The following ROBO1 variants were observed in gnomAD, a reference collection of about 807,000 sequenced individuals.
ROBO1 encodes the protein roundabout guidance receptor 1.
In ROBO1, 149 loss-of-function variants were observed where a neutral mutation model predicts 195.9. The ratio of observed to expected loss-of-function variants is 0.76; its 90% CI spans 0.67 to 0.87. The LOEUF (loss-of-function observed/expected upper bound fraction) is 0.87. Among genes scored for constraint, ROBO1 ranks in the 40% least tolerant of loss-of-function variants. ROBO1 has a pLI of 0.00. For missense variants in ROBO1, 1,933 were observed against 2,068.3 expected (o/e 0.93, Z 1.27); for synonymous variants, 816 against 733.2 (o/e 1.11, Z -1.82).
intron 2 of ROBO1, among the ~76,000 whole-genome samples, chr3:79,129,317 A>C (rs1226235201): frequency 1.3e-5 from 2 of 152,096 alleles, no homozygotes; most frequent in Non-Finnish European, 2.9e-5. Flanking sequence ...ATATTTTGCG[A>C]TATGGCTTTA....
chr3:79,065,802 A>G (rs893576992), intron 3 of ROBO1, among the ~76,000 whole-genome samples: 1 of 152,112 alleles, frequency 6.6e-6, no homozygotes, highest in East Asian at 1.9e-4. Flanking sequence ...AGGATCTAAC[A>G]TATATCCTGT....
intron 1 of ROBO1, among the ~76,000 whole-genome samples, chr3:79,767,549 G>A (rs989114822): frequency 2.0e-5 from 3 of 152,196 alleles, no homozygotes; most frequent in African/African-American, 7.2e-5. Context: ...CGATCGCAAG[G>A]CTGCAATTTC....
chr3:79,247,672 A>C (rs2108899265), intron 2 of ROBO1, among the ~76,000 whole-genome samples: 2 of 152,202 alleles, frequency 1.3e-5, no homozygotes, highest in Middle Eastern at 3.4e-3. Context: ...GCTTCAGTCC[A>C]CAAAAAGAAA....
chr3:79,184,705 CT>C (rs1377647510), intron 2 of ROBO1, among the ~76,000 whole-genome samples: 1 of 152,144 alleles, frequency 6.6e-6, no homozygotes, highest in African/African-American at 2.4e-5. Context: ...AGGAATCTCT[CT>C]GGTCTTGTGA....
intron 4 of ROBO1, among the ~76,000 whole-genome samples, chr3:78,906,001 A>C (rs547298021): frequency 2.6e-5 from 4 of 152,332 alleles, no homozygotes; most frequent in African/African-American, 9.6e-5. Context: ...AGAGCATACA[A>C]AACAACATAA....
At chr3:78,768,553 G>A (rs1198007462) in intron 4 of ROBO1, among the ~76,000 whole-genome samples, 3 of 151,576 alleles carry the variant, frequency 2.0e-5, no homozygotes, top group African/African-American at 2.4e-5. Context: ...ATTTCTATAT[G>A]TACTTGCCTG....
intron 8 of ROBO1, among the ~76,000 whole-genome samples, chr3:78,709,048 G>A (rs930649176): frequency 1.3e-5 from 2 of 152,170 alleles, no homozygotes; most frequent in African/African-American, 4.8e-5. Flanking sequence ...TATACACATG[G>A]AGAGGAAACA....
At chr3:78,668,414 A>G (rs1040768317) in intron 12 of ROBO1, 70 bp downstream of exon 12, 23 of 1,580,402 alleles carry the variant, frequency 1.5e-5, no homozygotes, top group Non-Finnish European at 2.0e-5. Context: ...CATTTACTTC[A>G]TCAATATCCC....
intron 2 of ROBO1, among the ~76,000 whole-genome samples, chr3:79,149,005 A>G (rs2080711262): frequency 6.6e-6 from 1 of 151,896 alleles, no homozygotes; most frequent in Admixed American, 6.6e-5. Context: ...GGGACTTAAC[A>G]CTTGTTGGAA....
intron 4 of ROBO1, among the ~76,000 whole-genome samples, chr3:78,898,554 AT>A (rs1435520138): frequency 2.0e-5 from 3 of 150,680 alleles, no homozygotes; most frequent in Non-Finnish European, 3.0e-5. Flanking sequence ...TGCCCGGCTA[AT>A]TTTTTTGTAT....
intron 4 of ROBO1, among the ~76,000 whole-genome samples, chr3:78,857,418 C>A (rs1392096612): frequency 3.3e-5 from 5 of 152,136 alleles, no homozygotes; most frequent in Non-Finnish European, 7.4e-5. Flanking sequence ...GAGTTAGCAT[C>A]CATTGAGTCC....
At chr3:79,267,346 C>T (rs888512252) in intron 2 of ROBO1, among the ~76,000 whole-genome samples, 2 of 151,434 alleles carry the variant, frequency 1.3e-5, no homozygotes, top group African/African-American at 4.8e-5. Flanking sequence ...CAGAGTCAAA[C>T]CCATTTTAGA....
At chr3:79,712,622 A>T (rs1702319588) in intron 1 of ROBO1, among the ~76,000 whole-genome samples, 1 of 152,148 alleles carries the variant, frequency 6.6e-6, no homozygotes, top group Non-Finnish European at 1.5e-5. Flanking sequence ...TATAGGTAAG[A>T]TCACTGATGC....
chr3:79,135,519 G>A (rs749786347), intron 2 of ROBO1, among the ~76,000 whole-genome samples: 2 of 152,044 alleles, frequency 1.3e-5, no homozygotes, highest in Non-Finnish European at 2.9e-5. Flanking sequence ...GGATACACAC[G>A]TGGAATAATT....
At chr3:79,465,019 T>C (rs1937882159) in intron 2 of ROBO1, among the ~76,000 whole-genome samples, 1 of 152,196 alleles carries the variant, frequency 6.6e-6, no homozygotes, top group South Asian at 2.1e-4. Flanking sequence ...ATTTTTGTTG[T>C]AGTTTAGAAA....
At position 78,670,134 on chromosome 3, in the gene ROBO1, G is replaced by C. The variant is rs771149637; in HGVS notation, c.1510C>G (p.Gln504Glu). 2.5e-6 allele frequency: 4 copies of C among 1,613,520 alleles called. No individual in the cohort carries two copies. The highest frequency in any genetic ancestry group is 3.4e-6 in the Non-Finnish European group (4 of 1,179,692). ...ATCTGCAGTACTCCATTCTCCAACT[G>C]TTTGATTCGAGAGTCTTGGGTTGAA... Reference protein sequence around the residue: ...LVSTQDSRIKQLENGVLQIRY... With the variant: ...LVSTQDSRIKELENGVLQIRY... The change falls in exon 11 of 31, where the codon CAG (glutamine) becomes GAG (glutamate). Residue 504 changes from glutamine to glutamate, a missense_variant. By Grantham distance (29) the Gln-to-Glu change is conservative (BLOSUM62 2). This residue lies in a region of ROBO1 where 1,737 missense variants were observed against 1,882.5 expected (regional missense o/e 0.92). Transcript: ENST00000464233.
intron 2 of ROBO1, among the ~76,000 whole-genome samples, chr3:79,394,541 T>C (rs752258685): frequency 2.3e-4 from 35 of 151,452 alleles, no homozygotes; most frequent in Admixed American, 9.2e-4. Flanking sequence ...GATATAAATA[T>C]AGATACATGT....
chr3:79,705,654 C>T (rs975461125), intron 1 of ROBO1, among the ~76,000 whole-genome samples: 5 of 151,994 alleles, frequency 3.3e-5, no homozygotes, highest in Non-Finnish European at 5.9e-5. Flanking sequence ...ATAGTGTTGG[C>T]TATGCTAGGT....
intron 3 of ROBO1, among the ~76,000 whole-genome samples, chr3:78,949,114 C>A (rs1018682854): frequency 7.1e-6 from 1 of 140,952 alleles, no homozygotes; most frequent in African/African-American, 2.8e-5. Context: ...CAATGCCATC[C>A]CCATCAAGCT....
Sources: gnomAD v4.1 joint callset for allele counts (sites outside exome capture counted in the v4.1 genomes callset) on GRCh38, gnomAD v4.1.1 for gene constraint, gnomAD v4.1.1 regional missense constraint, MANE v1.5 for transcripts, NCBI Gene and HGNC (gene_info 2026-07-23, HGNC 2026-07-21) for gene names.